SCN7A: variants seen among roughly 807,000 people sequenced by gnomAD.
The protein encoded by SCN7A is sodium channel protein type 7 subunit alpha.
A neutral mutation model predicts 155.2 loss-of-function variants in SCN7A; 138 were observed. That is an observed-to-expected ratio of 0.89 (90% CI 0.77 to 1.02). SCN7A has a LOEUF of 1.02. Among genes scored for constraint, SCN7A ranks in the 50% least tolerant of loss-of-function variants. The pLI is 0.00. For synonymous variants in SCN7A, 693 were observed against 649.0 expected, an observed-to-expected ratio of 1.07 and a Z score of -1.03; for missense variants, 2,058 against 1,986.6, an observed-to-expected ratio of 1.04 and a Z score of -0.68.
Position 166,422,434 on chromosome 2 carries a change from G to C in SCN7A, c.3027+825C>G, listed in dbSNP as rs78982979. Among the ~76,000 whole-genome samples, 778 of 152,212 alleles carry C rather than the reference G, an allele frequency of 5.1e-3. 43 individuals carry two copies. The East Asian group carries it at 0.11, about 22-fold the overall frequency. On this transcript the variant is annotated intron_variant, in intron 19 of 25. Transcript: ENST00000643258. ...GCAGACAAAGAGAAAGGGAGTATTG[G>C]AGTGGCTGCAGTTTAAATAGTGTTG... is the stretch of plus-strand genomic sequence containing the variant.
At chr2:166,423,566 C>A in intron 18 of SCN7A, 134 bp from the exon 19 acceptor site, 1 of 979,930 alleles carries the variant, frequency 1.0e-6, no homozygotes, top group East Asian at 3.0e-5. Flanking sequence ...GGCTCCAGGG[C>A]TGGTTCACTA....
intron 21 of SCN7A, among the ~76,000 whole-genome samples, chr2:166,413,981 G>GTATGTATATATATATATATATATATA: frequency 1.9e-5 from 1 of 53,502 alleles, no homozygotes; most frequent in African/African-American, 7.4e-5. Flanking sequence ...ATGTGTATGT[G>GTATGTATATATATATATATATATATA]TATATATATA....
chr2:166,491,906 G>A (rs1489881847), intron 1 of SCN7A, among the ~76,000 whole-genome samples: 3 of 152,036 alleles, frequency 2.0e-5, no homozygotes, highest in African/African-American at 2.4e-5. Flanking sequence ...AAGGCAGTAG[G>A]TAGATGGTGA....
Position 166,424,395 on chromosome 2 carries a change from C to T in SCN7A, c.2854-963G>A, listed in dbSNP as rs570494044. ...GCTGCAAAGAACCAGAAAAACAGTA[C>T]GAAGTTTAAAAAGCATTTGTTTTTA... On this transcript the variant is annotated intron_variant, in intron 18 of 25. Transcript: ENST00000643258. Among the ~76,000 whole-genome samples the T allele has an allele frequency of 3.3e-5, 5 of 151,882 alleles. No individual in the cohort carries two copies. The East Asian group carries it at 7.7e-4, about 23-fold the overall frequency.
At chr2:166,411,762 A>C (rs1278650147) in intron 23 of SCN7A, among the ~76,000 whole-genome samples, 1 of 152,070 alleles carries the variant, frequency 6.6e-6, no homozygotes, top group Non-Finnish European at 1.5e-5. Context: ...TCAGGCATCC[A>C]CTGGAGGTCT....
rs377610647 is a variant in SCN7A, at chr2:166,417,003, T to C, written c.3136-18A>G. 25 of 1,530,072 alleles carry C rather than the reference T, an allele frequency of 1.6e-5. No individual in the cohort carries two copies. Among genetic ancestry groups the C allele is most frequent in the Non-Finnish European group, 2.0e-5 (23 of 1,137,922 alleles). The allele number at this position is 1,530,072 out of a possible 1,614,324, so 94.8% of individuals were successfully genotyped here. A position where few individuals can be genotyped will look rare whatever the true frequency, so the allele number is the denominator to read the frequency against. Reference sequence around the variant, plus strand: ...ACAACCACCTGGTATATATAAAAAATGTAAACTTTAGATAGGAAATCTGAA... The same window carrying C: ...ACAACCACCTGGTATATATAAAAAACGTAAACTTTAGATAGGAAATCTGAA... On this transcript the variant is annotated intron_variant, in intron 20 of 25. Transcript: ENST00000643258.
chr2:166,448,913 T>C (rs916699568), intron 11 of SCN7A, among the ~76,000 whole-genome samples: 1 of 152,218 alleles, frequency 6.6e-6, no homozygotes, highest in Non-Finnish European at 1.5e-5. Flanking sequence ...GTGATAAGTC[T>C]TGAAGAATAA....
intron 20 of SCN7A, 138 bp from the exon 21 acceptor site, chr2:166,417,123 GCCCACAT>G: frequency 1.5e-6 from 1 of 651,518 alleles, no homozygotes; most frequent in Non-Finnish European, 2.6e-6. Flanking sequence ...AGATTTAACA[GCCCACAT>G]GCTGGTACTG....
chr2:166,464,575 A>G (rs1702485976), intron 9 of SCN7A, among the ~76,000 whole-genome samples: 1 of 152,210 alleles, frequency 6.6e-6, no homozygotes, highest in Non-Finnish European at 1.5e-5. Flanking sequence ...AGTCATAAAA[A>G]CATATAAGAG....
chr2:166,484,495 G>T (rs986294213), intron 2 of SCN7A, among the ~76,000 whole-genome samples: 1 of 151,796 alleles, frequency 6.6e-6, no homozygotes, highest in Non-Finnish European at 1.5e-5. Flanking sequence ...TTTGCAAAAT[G>T]TGTGAAATTC....
chr2:166,406,857 G>C (rs899218494), intron 25 of SCN7A, among the ~76,000 whole-genome samples: 11 of 151,996 alleles, frequency 7.2e-5, no homozygotes, highest in African/African-American at 2.7e-4. Flanking sequence ...AGGGTATCTA[G>C]CTAAATTTGG....
chr2:166,491,642 C>T (rs1162713229), intron 1 of SCN7A, among the ~76,000 whole-genome samples: 1 of 148,766 alleles, frequency 6.7e-6, no homozygotes, highest in East Asian at 2.0e-4. Flanking sequence ...TTAGTCCTCA[C>T]TAACAGAAGA....
rs758884918 is a variant in SCN7A, at chr2:166,406,403, GCTT to G, written c.4223_4225del (p.Glu1408del). Reference sequence around the variant, plus strand: ...AAAATTAGACACATCATTAATTCCAGCTTCTTTTTTAACATAGGCAAAATTATA... The same window carrying G: ...AAAATTAGACACATCATTAATTCCAGCTTTTTTAACATAGGCAAAATTATA... On this transcript the variant is annotated inframe_deletion, in exon 26 of 26. Transcript: ENST00000643258. 5.0e-6 allele frequency: 8 copies of G among 1,612,984 alleles called. No homozygotes were observed. Among genetic ancestry groups the G allele is most frequent in the Non-Finnish European group, 6.8e-6 (8 of 1,179,358 alleles).
intron 11 of SCN7A, among the ~76,000 whole-genome samples, chr2:166,448,948 G>T (rs1159754120): frequency 3.9e-5 from 6 of 152,092 alleles, no homozygotes; most frequent in African/African-American, 1.4e-4. Context: ...GATTTATAAG[G>T]GTTGTCTTAG....
intron 21 of SCN7A, among the ~76,000 whole-genome samples, chr2:166,413,401 C>T (rs1480849669): frequency 2.6e-5 from 4 of 151,940 alleles, no homozygotes; most frequent in Non-Finnish European, 5.9e-5. Flanking sequence ...TACATGCGGC[C>T]ATGTGTCATG....
In SCN7A at chr2:166,477,523, A is replaced by G. The variant is rs1245993087; in HGVS notation, c.174T>C (p.Ser58=). Residue 58 remains serine, a synonymous_variant, in exon 3 of 26, where the codon TCT becomes TCC. Coordinates refer to ENST00000643258, the MANE Select transcript of SCN7A (RefSeq NM_002976.4). The part of the protein sequence containing the change: ...KKLPFIYGNL[S]QGMVSEPLED... ...CCAAGGGCTCTGACACCATTCCTTG[A>G]GAAAGGTTTCCATAAATAAATGGAA... 1.2e-5 allele frequency: 18 copies of G among 1,558,844 alleles called. No homozygotes were observed. Among genetic ancestry groups the G allele is most frequent in the Non-Finnish European group, 1.5e-5 (17 of 1,149,650 alleles).
chr2:166,410,420 A>C, intron 23 of SCN7A, 96 bp from the exon 24 acceptor site: 1 of 785,210 alleles, frequency 1.3e-6, no homozygotes, highest in Non-Finnish European at 2.0e-6. Flanking sequence ...TTATTGATTT[A>C]ATCTTCTAAA....
intron 10 of SCN7A, among the ~76,000 whole-genome samples, chr2:166,458,741 G>A (rs1034325808): frequency 1.3e-5 from 2 of 152,060 alleles, no homozygotes; most frequent in African/African-American, 2.4e-5. Flanking sequence ...CAGGTTTGCC[G>A]CCTAGGATCA....
intron 20 of SCN7A, 113 bp from the exon 21 acceptor site, chr2:166,417,098 A>C: frequency 2.5e-6 from 2 of 811,654 alleles, no homozygotes; most frequent in Non-Finnish European, 3.8e-6. Flanking sequence ...AAAAACCTTA[A>C]AAGGCCATAT....
Sources: allele counts gnomAD v4.1 joint callset (sites outside exome capture counted in the v4.1 genomes callset), GRCh38; gene constraint gnomAD v4.1.1; transcripts MANE v1.5; gene names NCBI Gene and HGNC (gene_info 2026-07-23, HGNC 2026-07-21).